The following CAPN15 variants were observed in gnomAD, a reference collection of about 807,000 sequenced individuals.
CAPN15 encodes the protein calpain-15.
In CAPN15, 53 loss-of-function variants were observed where a neutral mutation model predicts 97.9. That is an observed-to-expected ratio of 0.54 (90% CI 0.43 to 0.68). The LOEUF (loss-of-function observed/expected upper bound fraction) is 0.68, where lower values mean the gene tolerates loss of function less well. CAPN15 is among the 30% of genes least tolerant of loss of function. The pLI is 0.00. For missense variants in CAPN15, 1,592 were observed against 1,589.8 expected, an observed-to-expected ratio of 1.00 and a Z score of -0.02; for synonymous variants, 922 against 722.5, an observed-to-expected ratio of 1.28 and a Z score of -4.43.
Position 551,573 on chromosome 16 carries a change from T to G in CAPN15, c.2254T>G (p.Trp752Gly). 6.2e-7 allele frequency: 1 copy of G among 1,611,060 alleles called. No individual in the cohort carries two copies. The highest frequency in any genetic ancestry group is 8.5e-7 in the Non-Finnish European group (1 of 1,179,476). The change falls in exon 9 of 14, where the codon TGG becomes GGG. Residue 752 changes from tryptophan (W) to glycine (G), a missense_variant. Physicochemically the swap from Trp to Gly is radical, Grantham distance 184 (BLOSUM62 -2). Transcript: ENST00000219611. ...FSWNGSWSDE[W>G]PHWPGHLRGE... ...CTGGAACGGCAGCTGGTCCGACGAG[T>G]GGCCACACTGGCCGGGGCACCTGCG... is the stretch of plus-strand genomic sequence containing the variant.
intron 9 of CAPN15, 48 bp downstream of exon 9, chr16:551,712 G>T: frequency 1.9e-6 from 3 of 1,576,986 alleles, no homozygotes; most frequent in Non-Finnish European, 2.6e-6. Flanking sequence ...CCCTCCTAGG[G>T]CCGAGTCCTT....
chr16:537,160 A>T, intron 3 of CAPN15: 1 of 985,502 alleles, frequency 1.0e-6, no homozygotes, highest in Non-Finnish European at 1.2e-6. Flanking sequence ...CCGAGCACCC[A>T]CGGGAGGGGA....
At chr16:541,043 C>T (rs896629365) in intron 3 of CAPN15, among the ~76,000 whole-genome samples, 1 of 152,236 alleles carries the variant, frequency 6.6e-6, no homozygotes, top group Admixed American at 6.5e-5. Context: ...CGGGTCCAGG[C>T]CTGGCTTCTG....
At chr16:530,394 T>C (rs563656290) in intron 1 of CAPN15, among the ~76,000 whole-genome samples, 22 of 152,338 alleles carry the variant, frequency 1.4e-4, no homozygotes, top group African/African-American at 5.1e-4. Flanking sequence ...ATACCTGGGT[T>C]CTGGCAGCCC....
chr16:547,988 T>G lies in CAPN15; in HGVS notation c.1150T>G (p.Cys384Gly), dbSNP rs1596349495. ...CGAGCCCCCCACCCACTGCCCCGAC[T>G]GTGGGGCCGACAAGCCCAGCCCCTG... ...HGEPPTHCPD[C>G]GADKPSPCGR... Residue 384 changes from cysteine to glycine, a missense_variant, in exon 4 of 14, where the codon TGT becomes GGT. By Grantham distance (159) the Cys-to-Gly change is radical. This residue lies in a region of CAPN15 where 883 missense variants were observed against 776.6 expected (regional missense o/e 1.14). Coordinates refer to ENST00000219611, the MANE Select transcript of CAPN15 (RefSeq NM_005632.3). 1 of 1,581,798 alleles carries G rather than the reference T, an allele frequency of 6.3e-7. No individual in the cohort carries two copies. The highest frequency in any genetic ancestry group is 2.4e-5 in the East Asian group (1 of 42,546).
intron 1 of CAPN15, among the ~76,000 whole-genome samples, chr16:533,662 C>T (rs1043496568): frequency 2.7e-4 from 41 of 152,298 alleles, no homozygotes; most frequent in Admixed American, 7.2e-4. Flanking sequence ...GCCCTGTCTG[C>T]GGTCCTGGCT....
chr16:552,087 G>A lies in CAPN15; in HGVS notation c.2382G>A (p.Ser794=), dbSNP rs759058189. The change falls in exon 10 of 14, where the codon TCG becomes TCA. Residue 794 remains serine (S), a synonymous_variant. Coordinates refer to ENST00000219611, the MANE Select transcript of CAPN15 (RefSeq NM_005632.3). This position sits in a 1 kb window ranked among gnomAD's most constrained non-coding sequence, Gnocchi z 6.4. ...FDSVDICKVH[S]DWQEARVQGC... is the part of the protein sequence containing the mutation. ...CCGTGGACATCTGTAAGGTGCACTC[G>A]GACTGGCAGGAGGCGCGGGTGCAGG... 39 of 1,549,126 alleles carry A rather than the reference G, an allele frequency of 2.5e-5. No homozygotes were observed. Among genetic ancestry groups the A allele is most frequent in the African/African-American group, 2.3e-4 (17 of 73,008 alleles).
In CAPN15 at chr16:546,828, C is replaced by A; in HGVS notation, c.-11C>A. 1 of 1,590,010 alleles carries A rather than the reference C, an allele frequency of 6.3e-7. No homozygotes were observed. The highest frequency in any genetic ancestry group is 1.1e-5 in the South Asian group (1 of 88,238). On this transcript the variant is annotated 5_prime_UTR_variant, in exon 4 of 14. Transcript: ENST00000219611. ...ACCTTCCCTTGCAGCCACACCCACT[C>A]GCCCGGGTCTATGGCCACGGTCGGA...
intron 3 of CAPN15, among the ~76,000 whole-genome samples, chr16:541,371 G>T (rs774620163): frequency 1.3e-5 from 2 of 152,082 alleles, no homozygotes; most frequent in African/African-American, 4.8e-5. Context: ...AGGCAGGGCC[G>T]GGGAGGGGCC....
At chr16:545,468 C>A (rs2034522513) in intron 3 of CAPN15, among the ~76,000 whole-genome samples, 1 of 152,226 alleles carries the variant, frequency 6.6e-6, no homozygotes, top group African/African-American at 2.4e-5. Context: ...CCTGCCTTCG[C>A]CCTCCTCACC....
rs2035193098 is a variant in CAPN15 at position 552,812 on chromosome 16, G to C, written c.2904+41G>C. 1 of 1,544,674 alleles carries C rather than the reference G, an allele frequency of 6.5e-7. No homozygotes were observed. Among genetic ancestry groups the C allele is most frequent in the Non-Finnish European group, 8.7e-7 (1 of 1,143,386 alleles). ...GGGGGAGGGTGGCGTGGGGCAGGGG[G>C]AGTATGCCCCAGCACCTCCCCTGCC... On this transcript the variant is annotated intron_variant, in intron 12 of 13. Transcript: ENST00000219611. The surrounding 1 kb of genome is among the most constrained non-coding windows in gnomAD (Gnocchi z 6.4).
chr16:550,369 G>A (rs904187213), intron 7 of CAPN15, among the ~76,000 whole-genome samples: 1 of 152,220 alleles, frequency 6.6e-6, no homozygotes, highest in African/African-American at 2.4e-5. Flanking sequence ...AGGCCTCCAG[G>A]GGACCCAGGC....
chr16:539,613 C>G (rs934879986), intron 3 of CAPN15: 1 of 152,328 alleles, frequency 6.6e-6, no homozygotes, highest in Non-Finnish European at 1.5e-5. Flanking sequence ...TTCTCGGGGC[C>G]TGGCTCTGTG....
intron 3 of CAPN15, among the ~76,000 whole-genome samples, chr16:542,978 G>A (rs2034237036): frequency 6.6e-6 from 1 of 150,554 alleles, no homozygotes; most frequent in African/African-American, 2.5e-5. Flanking sequence ...TTGAACTTGG[G>A]AGGCGGAGGT....
At chr16:544,475 C>T (rs991902389) in intron 3 of CAPN15, among the ~76,000 whole-genome samples, 32 of 152,254 alleles carry the variant, frequency 2.1e-4, no homozygotes, top group African/African-American at 6.0e-4. Context: ...CACAGGCCCG[C>T]GGCCTCCACG....
intron 3 of CAPN15, chr16:538,954 T>C (rs1412166190): frequency 6.6e-6 from 1 of 151,450 alleles, no homozygotes; most frequent in African/African-American, 2.4e-5. Context: ...TGCTTTTTTT[T>C]TTTTTGGCTC....
In CAPN15 at chr16:547,714, C is replaced by T; in HGVS notation, c.876C>T (p.Gly292=). The T allele has an allele frequency of 6.2e-7, 1 of 1,600,342 alleles. No individual in the cohort carries two copies. Among genetic ancestry groups the T allele is most frequent in the East Asian group, 2.2e-5 (1 of 44,572 alleles). ...CCCGCCTAGCAGAGTTGCTGTCTGG[C>T]AAGCGGCTGAGTGTGCTGGAGGAAG... ...GASRLAELLS[G]KRLSVLEEEA... is the part of the protein sequence containing the mutation. The change falls in exon 4 of 14, where the codon GGC becomes GGT. Residue 292 remains glycine (G), a synonymous_variant. Transcript: ENST00000219611.
At chr16:550,519 C>T (rs114569560) in intron 7 of CAPN15, among the ~76,000 whole-genome samples, 2,191 of 152,352 alleles carry the variant, frequency 0.014, 50 homozygotes, top group African/African-American at 0.049. Flanking sequence ...GTGGCAAGGT[C>T]GCGGCCAGCG....
chr16:532,189 G>T (rs1408018810), intron 1 of CAPN15, among the ~76,000 whole-genome samples: 1 of 150,586 alleles, frequency 6.6e-6, no homozygotes, highest in Non-Finnish European at 1.5e-5. Context: ...GCAGTTAGCC[G>T]GGATGGCACC....
Sources: gnomAD v4.1 joint callset for allele counts (sites outside exome capture counted in the v4.1 genomes callset) on GRCh38, gnomAD v4.1.1 for gene constraint, gnomAD v4.1.1 regional missense constraint, Gnocchi (gnomAD v3.1) non-coding constraint, MANE v1.5 for transcripts, NCBI Gene and HGNC (gene_info 2026-07-23, HGNC 2026-07-21) for gene names.